SFSWAP: variants seen among roughly 807,000 people sequenced by gnomAD.
SFSWAP encodes splicing factor, suppressor of white-apricot homolog.
SFSWAP carries 17 observed loss-of-function variants against 100.7 expected under a neutral mutation model. The ratio of observed to expected loss-of-function variants is 0.17; its 90% CI spans 0.12 to 0.25. The LOEUF (loss-of-function observed/expected upper bound fraction) is 0.25. SFSWAP is among the 10% of genes least tolerant of loss of function. The pLI is 1.00. For missense variants in SFSWAP, 1,005 were observed against 1,262.6 expected (o/e 0.80, Z 3.09); for synonymous variants, 504 against 510.1 (o/e 0.99, Z 0.16).
chr12:131,765,597 G>A (rs1883046408), intron 12 of SFSWAP, among the ~76,000 whole-genome samples: 1 of 151,882 alleles, frequency 6.6e-6, no homozygotes, highest in Non-Finnish European at 1.5e-5. Flanking sequence ...GCAGTGAGCT[G>A]AGATCACGCC....
At chr12:131,765,989 C>T (rs1883085714) in intron 12 of SFSWAP, 129 bp from the exon 13 acceptor site, 1 of 841,782 alleles carries the variant, frequency 1.2e-6, no homozygotes, top group Non-Finnish European at 1.8e-6. Context: ...TTGATTTGTC[C>T]AATGTATGTA....
Position 131,714,022 on chromosome 12 carries a change from C to T in SFSWAP, c.219-49C>T. On this transcript the variant is annotated intron_variant, in intron 1 of 17. Coordinates refer to ENST00000261674, the MANE Select transcript of SFSWAP (RefSeq NM_004592.4). This position sits in a 1 kb window ranked among gnomAD's most constrained non-coding sequence, Gnocchi z 6.0. The stretch of plus-strand genomic sequence containing the variant: ...TATATAAAACATCACACACGCACAC[C>T]AGTCTAGACGTTAATTTCCTTTTAT... 7.0e-7 allele frequency: 1 copy of T among 1,438,608 alleles called. No individual in the cohort carries two copies. The highest frequency in any genetic ancestry group is 1.7e-5 in the Admixed American group (1 of 58,130). The allele number at this position is 1,438,608 out of a possible 1,614,324, so 89.1% of individuals were successfully genotyped here. A position where few individuals can be genotyped will look rare whatever the true frequency, so the allele number is the denominator to read the frequency against.
intron 14 of SFSWAP, among the ~76,000 whole-genome samples, 163 bp from the exon 15 acceptor site, chr12:131,786,300 G>A (rs899439724): frequency 2.0e-5 from 3 of 152,234 alleles, no homozygotes; most frequent in Admixed American, 6.5e-5. Flanking sequence ...CGGTAAAGTA[G>A]TGAAGTGTGG....
rs1295531992 is a variant in SFSWAP, at chr12:131,766,313, A to G, written c.2142+5A>G. 1 of 1,613,510 alleles carries G rather than the reference A, an allele frequency of 6.2e-7. No individual in the cohort carries two copies. The highest frequency in any genetic ancestry group is 1.7e-5 in the Admixed American group (1 of 60,004). The stretch of plus-strand genomic sequence containing the variant: ...GAGAGTCCTTTCAGTGTCGAGGTAT[A>G]GTAAAATCCCACATTGGTATCTGCG... On this transcript the variant is annotated splice_donor_5th_base_variant and intron_variant, in intron 13 of 17. Coordinates refer to ENST00000261674, the MANE Select transcript of SFSWAP (RefSeq NM_004592.4).
intron 1 of SFSWAP, chr12:131,712,206 T>C (rs1022451585): frequency 6.6e-6 from 1 of 152,240 alleles, no homozygotes; most frequent in African/African-American, 2.4e-5. Flanking sequence ...GTTGTTTCTT[T>C]TCAAATCAAA....
At chr12:131,738,585 A>T (rs1288902637) in intron 7 of SFSWAP, among the ~76,000 whole-genome samples, 1 of 152,246 alleles carries the variant, frequency 6.6e-6, no homozygotes, top group African/African-American at 2.4e-5. Flanking sequence ...TTTTATGCCT[A>T]AAGAATTCAG....
chr12:131,746,312 C>G (rs10794424), intron 7 of SFSWAP, among the ~76,000 whole-genome samples: 57,210 of 152,100 alleles, frequency 0.38, 11,615 homozygotes, highest in Non-Finnish European at 0.45. Flanking sequence ...AGCTGAGGAC[C>G]TACAGCGTTG....
At chr12:131,738,885 C>CTTTTTTTTTTTT (rs71072785) in intron 7 of SFSWAP, among the ~76,000 whole-genome samples, 6,447 of 48,596 alleles carry the variant, frequency 0.13, 2,544 homozygotes, top group Non-Finnish European at 0.21. Context: ...GAACATTATT[C>CTTTTTTTTTTTT]TTTTTTTTTT....
chr12:131,753,827 G>A (rs1362317529), intron 8 of SFSWAP, among the ~76,000 whole-genome samples: 1 of 152,140 alleles, frequency 6.6e-6, no homozygotes, highest in Non-Finnish European at 1.5e-5. Context: ...TGAAGCCATC[G>A]GCAGAGCCCT....
At position 131,778,044 on chromosome 12, in the gene SFSWAP, A is replaced by G. The variant is rs769399065; in HGVS notation, c.2143-21A>G. On this transcript the variant is annotated intron_variant, in intron 13 of 17. Transcript: ENST00000261674. This position sits in a 1 kb window ranked among gnomAD's most constrained non-coding sequence, Gnocchi z 4.2. ...TGTTCTGTTTTCCCTGTTAACACCC[A>G]GATTTTCCTTTTATTCTTAGGAATC... 1 of 1,588,524 alleles carries G rather than the reference A, an allele frequency of 6.3e-7. No individual in the cohort carries two copies. Among genetic ancestry groups the G allele is most frequent in the East Asian group, 2.2e-5 (1 of 44,744 alleles).
chr12:131,715,823 TTAAG>T (rs1253601126), intron 3 of SFSWAP, among the ~76,000 whole-genome samples: 4 of 152,264 alleles, frequency 2.6e-5, no homozygotes, highest in East Asian at 3.8e-4. Context: ...CGGTTTCTCC[TTAAG>T]TAACACTTTT....
In SFSWAP at chr12:131,711,803, G is replaced by A. The variant is rs571149264; in HGVS notation, c.218+356G>A. The A allele has an allele frequency of 2.4e-4, 61 of 253,038 alleles. No homozygotes were observed. Among genetic ancestry groups the A allele is most frequent in the Middle Eastern group, 1.4e-3 (1 of 726 alleles). 15.7% of individuals were successfully genotyped at this position (253,038 alleles called of 1,614,324 possible). A position where few individuals can be genotyped will look rare whatever the true frequency, so the allele number is the denominator to read the frequency against. ...CTGAGTGCACCTGGGCCTGCCGCCC[G>A]GCGATGCCATGGGGTCGTGCGCTGC... is the stretch of plus-strand genomic sequence containing the variant. On this transcript the variant is annotated intron_variant, in intron 1 of 17. Coordinates refer to ENST00000261674, the MANE Select transcript of SFSWAP (RefSeq NM_004592.4). The surrounding 1 kb of genome is among the most constrained non-coding windows in gnomAD (Gnocchi z 4.9).
intron 14 of SFSWAP, chr12:131,785,344 C>G (rs1280851959): frequency 1.0e-6 from 1 of 980,596 alleles, no homozygotes; most frequent in Non-Finnish European, 1.5e-6. Context: ...TCCAGGATGC[C>G]GGGGTCTGAG....
In SFSWAP at chr12:131,797,131, G is replaced by A. The variant is rs771322222; in HGVS notation, c.2535-47G>A. The stretch of plus-strand genomic sequence containing the variant: ...ATCCGAGCTTCTCCCTTTGTGCCCT[G>A]CCTTTAAACCAAAGCTGCATCTCTC... On this transcript the variant is annotated intron_variant, in intron 15 of 17. Transcript: ENST00000261674. 1.9e-6 allele frequency: 3 copies of A among 1,557,042 alleles called. No individual in the cohort carries two copies. The South Asian group carries it at 3.4e-5, about 18-fold the overall frequency.
intron 15 of SFSWAP, 24 bp downstream of exon 15, chr12:131,786,612 G>A (rs1349677632): frequency 6.3e-7 from 1 of 1,577,420 alleles, no homozygotes; most frequent in Non-Finnish European, 8.6e-7. Flanking sequence ...TGTGCACGCA[G>A]GTGCTGGATG....
intron 7 of SFSWAP, among the ~76,000 whole-genome samples, chr12:131,743,622 G>A (rs1316494084): frequency 6.6e-6 from 1 of 152,212 alleles, no homozygotes; most frequent in African/African-American, 2.4e-5. Context: ...TGTTGAGTGT[G>A]GCTTTTCCAG....
In SFSWAP at chr12:131,725,318, C is replaced by T; in HGVS notation, c.607-87C>T. The stretch of plus-strand genomic sequence containing the variant: ...TATCTCTTAAAATTGACAGTAAAAC[C>T]AGAGTCATTTCTATGTTTTAATGAA... On this transcript the variant is annotated intron_variant, in intron 4 of 17. Coordinates refer to ENST00000261674, the MANE Select transcript of SFSWAP (RefSeq NM_004592.4). The surrounding 1 kb of genome is among the most constrained non-coding windows in gnomAD (Gnocchi z 4.3). 1.8e-6 allele frequency: 2 copies of T among 1,126,892 alleles called. No homozygotes were observed. Among genetic ancestry groups the T allele is most frequent in the East Asian group, 2.4e-5 (1 of 41,238 alleles). 69.8% of individuals were successfully genotyped at this position (1,126,892 alleles called of 1,614,324 possible).
Position 131,747,660 on chromosome 12 carries a change from A to C in SFSWAP, c.1082-5463A>C, listed in dbSNP as rs549453109. Among the ~76,000 whole-genome samples the C allele has an allele frequency of 1.2e-4, 19 of 152,312 alleles. 1 individual carries two copies. Among genetic ancestry groups the C allele is most frequent in the Admixed American group, 1.2e-3 (18 of 15,302 alleles). ...AGCTGGAGGGCAGGACTCAGAGCTG[A>C]ATCATCGGGCGTCAGCCTTGGGGTC... is the stretch of plus-strand genomic sequence containing the variant. On this transcript the variant is annotated intron_variant, in intron 7 of 17. Transcript: ENST00000261674.
chr12:131,736,783 G>A (rs1205225856), intron 7 of SFSWAP, among the ~76,000 whole-genome samples: 1 of 152,152 alleles, frequency 6.6e-6, no homozygotes, highest in Non-Finnish European at 1.5e-5. Flanking sequence ...GCGAGTTTGG[G>A]TAGCTTAATA....
Sources: gnomAD v4.1 joint callset for allele counts (sites outside exome capture counted in the v4.1 genomes callset) on GRCh38, gnomAD v4.1.1 for gene constraint, Gnocchi (gnomAD v3.1) non-coding constraint, MANE v1.5 for transcripts, NCBI Gene and HGNC (gene_info 2026-07-23, HGNC 2026-07-21) for gene names.